SLC6A16: variants seen among roughly 807,000 people sequenced by gnomAD.
SLC6A16 encodes solute carrier family 6 member 16, also known as orphan sodium- and chloride-dependent neurotransmitter transporter NTT5.
Under a neutral mutation model 65.4 loss-of-function variants are expected in SLC6A16, and 54 were observed. That is an observed-to-expected ratio of 0.83 (90% CI 0.66 to 1.04). SLC6A16 has a LOEUF of 1.04. Among genes scored for constraint, SLC6A16 ranks in the 50% least tolerant of loss-of-function variants. SLC6A16 has a pLI of 0.00. For missense variants in SLC6A16, 816 were observed against 914.0 expected (o/e 0.89, Z 1.38); for synonymous variants, 330 against 346.5 (o/e 0.95, Z 0.53).
chr19:49,291,034 TC>T (rs1453504734), intron 10 of SLC6A16, among the ~76,000 whole-genome samples: 26 of 152,142 alleles, frequency 1.7e-4, no homozygotes, highest in Non-Finnish European at 1.9e-4. Flanking sequence ...CTTTCATTCA[TC>T]CCATAAATAT....
At chr19:49,301,386 T>C (rs1970289469) in intron 7 of SLC6A16, among the ~76,000 whole-genome samples, 1 of 152,122 alleles carries the variant, frequency 6.6e-6, no homozygotes, top group Non-Finnish European at 1.5e-5. Context: ...ACGGAGATAA[T>C]GGGGAACCAA....
chr19:49,308,832 A>G (rs746362642), intron 7 of SLC6A16, 44 bp downstream of exon 7: 2 of 1,609,952 alleles, frequency 1.2e-6, no homozygotes, highest in Non-Finnish European at 1.7e-6. Flanking sequence ...CAGGGTTTTA[A>G]AGTTCCCTGG....
the SLC6A16 span, chr19:49,339,983 G>T: frequency 1.4e-6 from 2 of 1,432,940 alleles, no homozygotes; most frequent in African/African-American, 2.9e-5. The surrounding 1 kb of genome is among the most constrained non-coding windows in gnomAD (Gnocchi z 4.5). Context: ...GGGGAAGACA[G>T]ATGAGCCTCC....
chr19:49,294,342 T>TC (rs965711525), intron 8 of SLC6A16, 25 bp downstream of exon 8: 6 of 1,608,800 alleles, frequency 3.7e-6, no homozygotes, highest in Non-Finnish European at 5.1e-6. Context: ...AACTCTAGGC[T>TC]CCCCCCTCAG....
At chr19:49,330,429 G>A in the SLC6A16 span, among the ~76,000 whole-genome samples, 1 of 152,108 alleles carries the variant, frequency 6.6e-6, no homozygotes, top group Non-Finnish European at 1.5e-5. Context: ...ATATCATCTC[G>A]TGAGTGAGTG....
At chr19:49,332,010 T>C in the SLC6A16 span, 10 of 448,246 alleles carry the variant, frequency 2.2e-5, no homozygotes, top group East Asian at 7.0e-4. Context: ...AAATAGCAAA[T>C]TACCACAGAC....
the SLC6A16 span, chr19:49,335,551 A>T: frequency 3.7e-6 from 6 of 1,613,728 alleles, no homozygotes; most frequent in Admixed American, 3.3e-5. This position sits in a 1 kb window ranked among gnomAD's most constrained non-coding sequence, Gnocchi z 4.6. Context: ...ATGTCAGCCC[A>T]GGAGAGCTGC....
At chr19:49,304,115 T>C (rs778647211) in intron 7 of SLC6A16, among the ~76,000 whole-genome samples, 5 of 152,138 alleles carry the variant, frequency 3.3e-5, no homozygotes, top group Non-Finnish European at 7.3e-5. Flanking sequence ...AAAACCCAAA[T>C]ATGAATGATT....
At chr19:49,308,181 G>A (rs141706338) in intron 7 of SLC6A16, among the ~76,000 whole-genome samples, 8,657 of 152,014 alleles carry the variant, frequency 0.057, 643 homozygotes, top group African/African-American at 0.18. Context: ...CTTAGGGCGC[G>A]GTGGCTCACG....
rs971025519 is a variant in SLC6A16, at chr19:49,313,411, G to A, written c.-64-2000C>T. Among the ~76,000 whole-genome samples, 171 of 152,004 alleles carry A rather than the reference G, an allele frequency of 1.1e-3. 3 individuals carry two copies. The highest frequency in any genetic ancestry group is 1.2e-3 in the East Asian group (6 of 5,160). On this transcript the variant is annotated intron_variant, in intron 1 of 11. Transcript: ENST00000335875. ...AACTCCTGTGCTCAAGTGAGTCTCC[G>A]GTCTCAGCCTCCAGAGTAGGTGGCA... is the stretch of plus-strand genomic sequence containing the variant.
chr19:49,320,747 A>G (rs183510553), intron 1 of SLC6A16, among the ~76,000 whole-genome samples: 41 of 152,210 alleles, frequency 2.7e-4, no homozygotes, highest in African/African-American at 9.9e-4. Context: ...ACAACTGTAC[A>G]CCAATAAACT....
the SLC6A16 span, chr19:49,335,563 T>G: frequency 1.9e-6 from 3 of 1,614,010 alleles, no homozygotes; most frequent in Non-Finnish European, 2.5e-6. This position sits in a 1 kb window ranked among gnomAD's most constrained non-coding sequence, Gnocchi z 4.6. Context: ...GAGAGCTGCC[T>G]CAGCCTCATC....
At chr19:49,339,491 T>A in the SLC6A16 span, 2 of 1,542,858 alleles carry the variant, frequency 1.3e-6, no homozygotes, top group Admixed American at 1.7e-5. This position sits in a 1 kb window ranked among gnomAD's most constrained non-coding sequence, Gnocchi z 4.5. Context: ...GTCCTTCGGT[T>A]GCCTGGGAAG....
rs1280313088 is a variant in SLC6A16, at chr19:49,325,167, C to G, written c.-184G>C. On this transcript the variant is annotated 5_prime_UTR_variant, in exon 1 of 12. Coordinates refer to ENST00000335875, the MANE Select transcript of SLC6A16 (RefSeq NM_014037.3). ...CAGGCCCCTTCAGGCGTCGACAGATCGGTTTGGGCGACACCCCTCGATCTG... is the reference window on the plus strand; with the variant it reads ...CAGGCCCCTTCAGGCGTCGACAGATGGGTTTGGGCGACACCCCTCGATCTG... The G allele has an allele frequency of 4.1e-6, 4 of 985,370 alleles. No individual in the cohort carries two copies. Among genetic ancestry groups the G allele is most frequent in the African/African-American group, 1.7e-5 (1 of 57,246 alleles). The allele number at this position is 985,370 out of a possible 1,614,324, so 61.0% of individuals were successfully genotyped here.
the SLC6A16 span, chr19:49,338,339 A>T: frequency 1.6e-6 from 1 of 627,294 alleles, no homozygotes; most frequent in South Asian, 2.2e-5. The surrounding 1 kb of genome is among the most constrained non-coding windows in gnomAD (Gnocchi z 5.0). Context: ...CCTACCCCGT[A>T]GTGACTCTGG....
chr19:49,339,464 C>T, the SLC6A16 span: 1 of 1,576,476 alleles, frequency 6.3e-7, no homozygotes, highest in Non-Finnish European at 8.7e-7. This position sits in a 1 kb window ranked among gnomAD's most constrained non-coding sequence, Gnocchi z 4.5. Context: ...CCTAGATGGC[C>T]CTGCCCTTCA....
chr19:49,309,944 TCTTC>T, intron 4 of SLC6A16, 92 bp downstream of exon 4: 1 of 1,480,418 alleles, frequency 6.8e-7, no homozygotes, highest in Non-Finnish European at 9.3e-7. Flanking sequence ...TTCTTCTTCC[TCTTC>T]CTTGTCCCTC....
chr19:49,320,118 CAA>C (rs1355793553), intron 1 of SLC6A16, among the ~76,000 whole-genome samples: 1 of 151,948 alleles, frequency 6.6e-6, no homozygotes, highest in East Asian at 1.9e-4. Context: ...CATTAAAAAA[CAA>C]AAAAGAGGCC....
intron 7 of SLC6A16, among the ~76,000 whole-genome samples, chr19:49,300,993 G>A (rs1172336131): frequency 6.6e-6 from 1 of 152,082 alleles, no homozygotes; most frequent in Non-Finnish European, 1.5e-5. Context: ...CGGAAGTTGC[G>A]TGAGCCGAGA....
Sources: gnomAD v4.1 joint callset for allele counts (sites outside exome capture counted in the v4.1 genomes callset) on GRCh38, gnomAD v4.1.1 for gene constraint, Gnocchi (gnomAD v3.1) non-coding constraint, MANE v1.5 for transcripts, NCBI Gene and HGNC (gene_info 2026-07-23, HGNC 2026-07-21) for gene names.